The following DMXL2 variants were observed in gnomAD, a reference collection of about 807,000 sequenced individuals.
DMXL2 encodes the protein Dmx like 2, also known as dmX-like protein 2.
Under a neutral mutation model 331.1 loss-of-function variants are expected in DMXL2, and 103 were observed. The ratio of observed to expected loss-of-function variants is 0.31; its 90% CI spans 0.27 to 0.37. DMXL2 has a LOEUF of 0.37. Ranked by LOEUF, DMXL2 falls within the 10% of genes least tolerant of loss-of-function variation. The pLI is 1.00. For synonymous variants in DMXL2, 1,281 were observed against 1,252.1 expected, an observed-to-expected ratio of 1.02 and a Z score of -0.49; for missense variants, 3,171 against 3,642.9, an observed-to-expected ratio of 0.87 and a Z score of 3.33.
At chr15:51,452,363 T>C (rs2039222812) in intron 41 of DMXL2, among the ~76,000 whole-genome samples, 1 of 152,080 alleles carries the variant, frequency 6.6e-6, no homozygotes, top group Non-Finnish European at 1.5e-5. Flanking sequence ...ATACAATGTA[T>C]ATATCTGACA....
At chr15:51,479,413 G>A (rs1372575369) in intron 25 of DMXL2, among the ~76,000 whole-genome samples, 1 of 152,164 alleles carries the variant, frequency 6.6e-6, no homozygotes, top group Non-Finnish European at 1.5e-5. Flanking sequence ...GTGTTTCTTG[G>A]ACTGTATCAG....
rs190994734 is a variant in DMXL2, at chr15:51,484,729, A to T, written c.5482+1344T>A. Among the ~76,000 whole-genome samples, 254 of 152,376 alleles carry T rather than the reference A, an allele frequency of 1.7e-3. 1 individual carries two copies. The highest frequency in any genetic ancestry group is 5.9e-3 in the African/African-American group (247 of 41,592). The stretch of plus-strand genomic sequence containing the variant: ...AATTCTCCAGTAACAGACCTTAGTC[A>T]CAAGGAAACATGAAATGCCAGAAAA... On this transcript the variant is annotated intron_variant, in intron 23 of 43. Coordinates refer to ENST00000560891, the MANE Select transcript of DMXL2 (RefSeq NM_001378457.1).
At position 51,566,232 on chromosome 15, in the gene DMXL2, GGTGTGTGTGTGTGTGTGTGTGT is replaced by G. The variant is rs71127197; in HGVS notation, c.286-1088_286-1067del. Among the ~76,000 whole-genome samples, 54 of 144,840 alleles carry G rather than the reference GGTGTGTGTGTGTGTGTGTGTGT, an allele frequency of 3.7e-4. 1 individual carries two copies. The highest frequency in any genetic ancestry group is 1.1e-3 in the South Asian group (5 of 4,400). ...ATATCTAAAAAAAATGTGTGTGTGG[GGTGTGTGTGTGTGTGTGTGTGT>G]GTGTGTGTGTGTGTGTGTGTGTGTG... On this transcript the variant is annotated intron_variant, in intron 3 of 43. Coordinates refer to ENST00000560891, the MANE Select transcript of DMXL2 (RefSeq NM_001378457.1).
intron 39 of DMXL2, among the ~76,000 whole-genome samples, 177 bp from the exon 40 acceptor site, chr15:51,455,405 T>A (rs532917283): frequency 1.2e-4 from 18 of 152,320 alleles, no homozygotes; most frequent in South Asian, 6.2e-4. Flanking sequence ...ACTTTTTTTT[T>A]AAATTTTTTT....
chr15:51,499,275 T>C lies in DMXL2; in HGVS notation c.3949A>G (p.Ile1317Val), dbSNP rs148766950. Reference protein sequence around the residue: ...ARKSVVEGTAISDDVFCSPTV... With the variant: ...ARKSVVEGTAVSDDVFCSPTV... ...GGTGAACAAAAAACATCATCAGAAA[T>C]AGCTGTTCCTTCAACAACACTTTTT... is the stretch of plus-strand genomic sequence containing the variant. Residue 1317 changes from isoleucine to valine, a missense_variant, in exon 18 of 44, where the codon ATT (isoleucine) becomes GTT (valine). Ile to Val is a conservative substitution (Grantham distance 29). Around this residue, in one of 7 missense-constraint regions of DMXL2, gnomAD observed 1,674 missense variants for 1,780.2 expected, o/e 0.94. Transcript: ENST00000560891. 1,037 of 1,613,876 alleles carry C rather than the reference T, an allele frequency of 6.4e-4. No homozygotes were observed. Among genetic ancestry groups the C allele is most frequent in the Non-Finnish European group, 7.5e-4 (890 of 1,180,014 alleles).
intron 6 of DMXL2, 89 bp downstream of exon 6, chr15:51,563,292 C>T (rs1809619167): frequency 1.8e-6 from 2 of 1,106,078 alleles, no homozygotes; most frequent in African/African-American, 1.6e-5. Context: ...CCCAGTTTTA[C>T]AGATGAGAAA....
intron 2 of DMXL2, among the ~76,000 whole-genome samples, chr15:51,573,732 T>C (rs1246315135): frequency 6.6e-6 from 1 of 151,714 alleles, no homozygotes; most frequent in African/African-American, 2.4e-5. Context: ...TTAGGAGAAA[T>C]ACCTAATGTA....
intron 24 of DMXL2, 55 bp downstream of exon 24, chr15:51,480,487 A>C: frequency 1.4e-6 from 2 of 1,470,604 alleles, no homozygotes; most frequent in Non-Finnish European, 1.8e-6. Flanking sequence ...TATAACTGGA[A>C]GAGCTACTGA....
Position 51,545,683 on chromosome 15 carries a change from C to T in DMXL2, c.830G>A (p.Cys277Tyr). ...CTCACAAATCTGCTCACCCAAAAGA[C>T]AGTCTTCTGGTAATAAAGTTTCTGC... Reference protein sequence around the residue: ...LWAETLLPEDCLLGEQICETT... With the variant: ...LWAETLLPEDYLLGEQICETT... Residue 277 changes from cysteine (C) to tyrosine (Y), a missense_variant, in exon 8 of 44, where the codon TGT becomes TAT. Transcript: ENST00000560891. The T allele has an allele frequency of 3.1e-6, 5 of 1,613,746 alleles. No individual in the cohort carries two copies. Among genetic ancestry groups the T allele is most frequent in the Non-Finnish European group, 4.2e-6 (5 of 1,179,762 alleles).
intron 28 of DMXL2, 127 bp downstream of exon 28, chr15:51,474,217 T>A (rs896179706): frequency 2.9e-5 from 24 of 841,266 alleles, no homozygotes; most frequent in Admixed American, 2.7e-4. Context: ...TTTGCTGTCA[T>A]AACAAGAGTG....
chr15:51,460,320 G>T (rs370134958), intron 33 of DMXL2: 1 of 985,198 alleles, frequency 1.0e-6, no homozygotes, highest in Non-Finnish European at 1.2e-6. Context: ...CTTTCATCAC[G>T]AAGGGCCATT....
intron 2 of DMXL2, among the ~76,000 whole-genome samples, chr15:51,570,998 ATAAAGAG>A (rs1465006194): frequency 6.6e-6 from 1 of 152,236 alleles, no homozygotes; most frequent in Non-Finnish European, 1.5e-5. Flanking sequence ...GGCAAACTGG[ATAAAGAG>A]TCAAGACCCA....
intron 13 of DMXL2, among the ~76,000 whole-genome samples, chr15:51,528,630 A>AT (rs2047821185): frequency 6.6e-6 from 1 of 152,164 alleles, no homozygotes; most frequent in Admixed American, 6.5e-5. Flanking sequence ...TATCAAGCAA[A>AT]TATTAGAGTT....
chr15:51,450,948 T>C (rs2039080803), intron 42 of DMXL2, among the ~76,000 whole-genome samples: 1 of 152,232 alleles, frequency 6.6e-6, no homozygotes, highest in Non-Finnish European at 1.5e-5. Flanking sequence ...ACTGAGAATC[T>C]TTCTGTCTTT....
intron 17 of DMXL2, among the ~76,000 whole-genome samples, chr15:51,501,181 T>C (rs989978123): frequency 6.6e-6 from 1 of 152,204 alleles, no homozygotes; most frequent in Non-Finnish European, 1.5e-5. Flanking sequence ...CTTCTCAATA[T>C]GATCTTTCCA....
rs765040525 is a variant in DMXL2, at chr15:51,499,959, G to C, written c.3265C>G (p.Pro1089Ala). 1.2e-6 allele frequency: 2 copies of C among 1,613,924 alleles called. No homozygotes were observed. The highest frequency in any genetic ancestry group is 3.3e-5 in the Admixed American group (2 of 59,982). ...TGRLAVAYKQPIHHNGFVSKE... is the reference protein window; with the variant it reads ...TGRLAVAYKQAIHHNGFVSKE... ...GAAACAAAACCATTATGGTGGATAG[G>C]CTGCTTATAAGCCACTGCAAGGCGA... The change falls in exon 18 of 44, where the codon CCT becomes GCT. Residue 1089 changes from proline to alanine, a missense_variant. By Grantham distance (27) the Pro-to-Ala change is conservative. Around this residue, in one of 7 missense-constraint regions of DMXL2, gnomAD observed 1,674 missense variants for 1,780.2 expected, o/e 0.94. Coordinates refer to ENST00000560891, the MANE Select transcript of DMXL2 (RefSeq NM_001378457.1).
At chr15:51,449,341 AATG>A in intron 43 of DMXL2, 148 bp from the exon 44 acceptor site, 1 of 669,930 alleles carries the variant, frequency 1.5e-6, no homozygotes, top group East Asian at 2.7e-5. Context: ...CTAAGTGGGA[AATG>A]ATAACACCAC....
intron 6 of DMXL2, among the ~76,000 whole-genome samples, chr15:51,560,975 A>C (rs1420378502): frequency 7.2e-6 from 1 of 138,782 alleles, no homozygotes; most frequent in African/African-American, 2.6e-5. Context: ...TTTTTAATTT[A>C]TGAAATATTT....
At chr15:51,574,810 A>G (rs1393639449) in intron 2 of DMXL2, among the ~76,000 whole-genome samples, 5 of 152,248 alleles carry the variant, frequency 3.3e-5, no homozygotes, top group Non-Finnish European at 2.9e-5. Flanking sequence ...CCAATGTCTT[A>G]TATACTTTTT....
Sources: gnomAD v4.1 joint callset for allele counts (sites outside exome capture counted in the v4.1 genomes callset) on GRCh38, gnomAD v4.1.1 for gene constraint, gnomAD v4.1.1 regional missense constraint, MANE v1.5 for transcripts, NCBI Gene and HGNC (gene_info 2026-07-23, HGNC 2026-07-21) for gene names.